Variants in DCC observed in about 807,000 individuals in gnomAD.
DCC encodes the protein netrin receptor DCC.
A neutral mutation model predicts 172.5 loss-of-function variants in DCC; 58 were observed. The ratio of observed to expected loss-of-function variants is 0.34; its 90% CI spans 0.27 to 0.42. The LOEUF (loss-of-function observed/expected upper bound fraction) is 0.42, where lower values mean the gene tolerates loss of function less well. DCC is among the 10% of genes least tolerant of loss of function. The pLI is 1.00. For synonymous variants in DCC, 709 were observed against 644.5 expected, an observed-to-expected ratio of 1.10 and a Z score of -1.52; for missense variants, 1,740 against 1,791.0, an observed-to-expected ratio of 0.97 and a Z score of 0.51.
In DCC at chr18:53,351,331, T is replaced by TAC. The variant is rs1555656803; in HGVS notation, c.2359+11426_2359+11427dup. On this transcript the variant is annotated intron_variant, in intron 15 of 28. Transcript: ENST00000442544. ...TATATATATACACTGTATATATATA[T>TAC]ACAGTGTATATATATATACACAGTA... Among the ~76,000 whole-genome samples the TAC allele has an allele frequency of 1.8e-3, 85 of 47,710 alleles. 7 individuals are homozygous for TAC. Among genetic ancestry groups the TAC allele is most frequent in the African/African-American group, 3.5e-3 (43 of 12,212 alleles). 31.3% of individuals were successfully genotyped at this position (47,710 alleles called of 152,430 possible).
At chr18:52,663,364 T>C (rs1248676329) in intron 1 of DCC, among the ~76,000 whole-genome samples, 3 of 152,152 alleles carry the variant, frequency 2.0e-5, no homozygotes, top group African/African-American at 4.8e-5. Context: ...CAGGTGGTGC[T>C]AGAAGGGATG....
chr18:53,062,635 T>A (rs539588758), intron 5 of DCC, among the ~76,000 whole-genome samples: 1 of 152,286 alleles, frequency 6.6e-6, no homozygotes, highest in South Asian at 2.1e-4. Flanking sequence ...TTTCATTCAA[T>A]TGCAAATTTC....
At chr18:52,492,138 G>C (rs186338861) in intron 1 of DCC, among the ~76,000 whole-genome samples, 7 of 152,018 alleles carry the variant, frequency 4.6e-5, no homozygotes, top group African/African-American at 1.4e-4. Context: ...ATATTTCTGA[G>C]AGTTTGAGTA....
At chr18:52,507,302 A>G (rs1188153536) in intron 1 of DCC, among the ~76,000 whole-genome samples, 1 of 152,154 alleles carries the variant, frequency 6.6e-6, no homozygotes. Flanking sequence ...TTTTCTAATC[A>G]TTTCAAATTT....
At chr18:52,561,738 G>A (rs1185253028) in intron 1 of DCC, among the ~76,000 whole-genome samples, 10 of 152,012 alleles carry the variant, frequency 6.6e-5, no homozygotes, top group Non-Finnish European at 1.3e-4. Flanking sequence ...TATTCACTTC[G>A]CGGTGGGTTT....
chr18:53,124,635 A>T (rs1488770528), intron 7 of DCC, among the ~76,000 whole-genome samples: 1 of 152,082 alleles, frequency 6.6e-6, no homozygotes, highest in Non-Finnish European at 1.5e-5. Flanking sequence ...AGGGGAGCTC[A>T]GTGATCAGAT....
At chr18:53,136,203 A>ATCTG (rs2043738757) in intron 7 of DCC, among the ~76,000 whole-genome samples, 1 of 144,868 alleles carries the variant, frequency 6.9e-6, no homozygotes, top group African/African-American at 2.7e-5. Flanking sequence ...TTATCTATCT[A>ATCTG]TCTATCTATA....
At position 52,856,764 on chromosome 18, in the gene DCC, A is replaced by G. The variant is rs116861669; in HGVS notation, c.413-49280A>G. On this transcript the variant is annotated intron_variant, in intron 2 of 28. Transcript: ENST00000442544. Reference sequence around the variant, plus strand: ...CTGAAACGTCTGTTTTTTGAAAAGCATGTTAATAGCTTTGTTACAATAGTC... The same window carrying G: ...CTGAAACGTCTGTTTTTTGAAAAGCGTGTTAATAGCTTTGTTACAATAGTC... 1.8e-4 allele frequency among the ~76,000 whole-genome samples: 28 copies of G among 152,230 alleles called. No individual in the cohort carries two copies. The East Asian group carries it at 4.8e-3, about 26-fold the overall frequency.
intron 9 of DCC, among the ~76,000 whole-genome samples, chr18:53,184,735 A>C (rs949116352): frequency 6.6e-6 from 1 of 152,186 alleles, no homozygotes; most frequent in Non-Finnish European, 1.5e-5. Flanking sequence ...CCACCTTGGT[A>C]TATCTGGGCT....
chr18:53,082,897 T>C (rs1372945497), intron 7 of DCC, among the ~76,000 whole-genome samples: 2 of 152,232 alleles, frequency 1.3e-5, no homozygotes, highest in East Asian at 3.9e-4. Context: ...TAGACTCCAG[T>C]TTGTGCCTCC....
At chr18:52,738,695 G>A (rs2036766328) in intron 1 of DCC, among the ~76,000 whole-genome samples, 1 of 149,396 alleles carries the variant, frequency 6.7e-6, no homozygotes, top group African/African-American at 2.5e-5. Context: ...TTAGCTTACT[G>A]TAACTTTTTT....
At chr18:52,599,095 A>T (rs2033965908) in intron 1 of DCC, among the ~76,000 whole-genome samples, 1 of 152,212 alleles carries the variant, frequency 6.6e-6, no homozygotes, top group African/African-American at 2.4e-5. Flanking sequence ...CAGTCAAACC[A>T]CAGATGGATC....
At chr18:52,452,750 A>G (rs934634278) in intron 1 of DCC, among the ~76,000 whole-genome samples, 1 of 152,242 alleles carries the variant, frequency 6.6e-6, no homozygotes, top group African/African-American at 2.4e-5. Flanking sequence ...GGTTAAAGGC[A>G]TAGAATGAAT....
intron 5 of DCC, among the ~76,000 whole-genome samples, chr18:52,979,874 C>T (rs1342486091): frequency 1.3e-5 from 2 of 152,194 alleles, no homozygotes; most frequent in Non-Finnish European, 2.9e-5. Flanking sequence ...CAAGTGTACA[C>T]TTTCTCCACC....
intron 7 of DCC, among the ~76,000 whole-genome samples, chr18:53,079,302 GC>G (rs2042766465): frequency 1.3e-5 from 2 of 151,962 alleles, no homozygotes; most frequent in Middle Eastern, 3.4e-3. Context: ...TTATACTTGA[GC>G]CTTACTTCTC....
rs1465852928 is a variant in DCC, at chr18:53,531,288, G to T, written c.*635G>T. 6.3e-6 allele frequency: 1 copy of T among 158,070 alleles called. No individual in the cohort carries two copies. Among genetic ancestry groups the T allele is most frequent in the African/African-American group, 2.4e-5 (1 of 41,496 alleles). The allele number at this position is 158,070 out of a possible 1,614,324, so 9.8% of individuals were successfully genotyped here. ...GCTAAAAATTCACCTATTTTGGCAA[G>T]TATTTGTAAATCCACCCTTGGTTAA... On this transcript the variant is annotated 3_prime_UTR_variant, in exon 29 of 29. Transcript: ENST00000442544.
chr18:52,942,322 C>T (rs1424685340), intron 5 of DCC, among the ~76,000 whole-genome samples: 1 of 152,144 alleles, frequency 6.6e-6, no homozygotes. Flanking sequence ...GAAGTAACCA[C>T]TTTTCTAATA....
intron 21 of DCC, among the ~76,000 whole-genome samples, chr18:53,429,939 G>A (rs2145105621): frequency 6.6e-6 from 1 of 152,126 alleles, no homozygotes; most frequent in African/African-American, 2.4e-5. Context: ...TTATGATTTT[G>A]CTTTCTGGTT....
chr18:53,200,530 A>C (rs2055520545), intron 9 of DCC, among the ~76,000 whole-genome samples: 1 of 152,146 alleles, frequency 6.6e-6, no homozygotes, highest in Non-Finnish European at 1.5e-5. Context: ...AACTCAATGG[A>C]GTGTGTACTG....
Sources: allele counts gnomAD v4.1 joint callset (sites outside exome capture counted in the v4.1 genomes callset), GRCh38; gene constraint gnomAD v4.1.1; transcripts MANE v1.5; gene names NCBI Gene and HGNC (gene_info 2026-07-23, HGNC 2026-07-21).